The following PTN variants were observed in gnomAD, a reference collection of about 807,000 sequenced individuals.
PTN encodes heparin affin regulatory protein.
In PTN, 18 loss-of-function variants were observed where a neutral mutation model predicts 24.1. The ratio of observed to expected loss-of-function variants is 0.75; its 90% confidence interval spans 0.52 to 1.11. PTN has a LOEUF of 1.11. Among genes scored for constraint, PTN ranks in the 50% least tolerant of loss-of-function variants. The pLI is 0.00. For missense variants in PTN, 163 were observed against 198.8 expected (o/e 0.82, Z 1.08); for synonymous variants, 78 against 68.6 (o/e 1.14, Z -0.67).
chr7:137,337,152 A>G (rs560443451), intron 1 of PTN, among the ~76,000 whole-genome samples: 1 of 152,188 alleles, frequency 6.6e-6, no homozygotes, highest in Admixed American at 6.6e-5. Flanking sequence ...GAACCTACAC[A>G]TGACGCTAGT....
At chr7:137,325,608 C>T (rs1317441550) in intron 1 of PTN, 1 of 152,230 alleles carries the variant, frequency 6.6e-6, no homozygotes, top group Non-Finnish European at 1.5e-5. Flanking sequence ...TTTTTCTCCA[C>T]ATATTTTAAT....
At chr7:137,229,119 C>A (rs1005393960) in intron 4 of PTN, among the ~76,000 whole-genome samples, 2 of 151,838 alleles carry the variant, frequency 1.3e-5, no homozygotes, top group African/African-American at 4.8e-5. Context: ...CGGTTTATAT[C>A]CAAATTAAAC....
chr7:137,314,410 A>G (rs1194554272), intron 1 of PTN, among the ~76,000 whole-genome samples: 5 of 152,214 alleles, frequency 3.3e-5, no homozygotes, highest in African/African-American at 4.8e-5. Flanking sequence ...GACATATATA[A>G]AAATATGTGT....
intron 1 of PTN, among the ~76,000 whole-genome samples, chr7:137,297,235 G>C (rs1330902918): frequency 1.3e-5 from 2 of 152,116 alleles, no homozygotes; most frequent in Non-Finnish European, 2.9e-5. Flanking sequence ...CATAAGCATA[G>C]TTAAATTTGG....
chr7:137,330,416 C>T (rs1810332943), intron 1 of PTN, among the ~76,000 whole-genome samples: 1 of 152,138 alleles, frequency 6.6e-6, no homozygotes, highest in African/African-American at 2.4e-5. Flanking sequence ...GAATGTTGAA[C>T]ATCACACATT....
intron 1 of PTN, among the ~76,000 whole-genome samples, chr7:137,339,741 G>A (rs1347060411): frequency 6.6e-6 from 1 of 152,010 alleles, no homozygotes; most frequent in Non-Finnish European, 1.5e-5. Flanking sequence ...GAGGGAATTG[G>A]GCAAGACGTT....
intron 1 of PTN, among the ~76,000 whole-genome samples, chr7:137,277,723 C>A (rs1809384950): frequency 2.0e-5 from 3 of 152,064 alleles, no homozygotes; most frequent in Admixed American, 2.0e-4. Flanking sequence ...GCACATGTCA[C>A]CACACTTGGC....
chr7:137,228,476 A>G (rs10256915), intron 4 of PTN, among the ~76,000 whole-genome samples: 72,415 of 151,626 alleles, frequency 0.48, 19,287 homozygotes, highest in African/African-American at 0.71. Context: ...GGAAAACTAC[A>G]AGAGCTCTGC....
intron 4 of PTN, 39 bp from the exon 5 acceptor site, chr7:137,228,114 G>C: frequency 7.7e-7 from 1 of 1,306,780 alleles, no homozygotes. Context: ...GAGAGAAAGA[G>C]AAAAATGTCA....
chr7:137,238,349 T>C (rs552648413), intron 4 of PTN, among the ~76,000 whole-genome samples: 2 of 152,304 alleles, frequency 1.3e-5, no homozygotes, highest in South Asian at 2.1e-4. Context: ...GTCACCTTGC[T>C]GTTCGCCCTT....
At chr7:137,334,784 G>C (rs933911349) in intron 1 of PTN, among the ~76,000 whole-genome samples, 1 of 151,794 alleles carries the variant, frequency 6.6e-6, no homozygotes, top group Non-Finnish European at 1.5e-5. Context: ...CAAAGACTTG[G>C]AACCAATCCA....
chr7:137,333,670 T>A (rs1220690287), intron 1 of PTN, among the ~76,000 whole-genome samples: 1 of 152,148 alleles, frequency 6.6e-6, no homozygotes, highest in Non-Finnish European at 1.5e-5. Flanking sequence ...ATGACTTTCT[T>A]CACAGAATTG....
chr7:137,282,827 A>G (rs1406749290), intron 1 of PTN, among the ~76,000 whole-genome samples: 5 of 152,208 alleles, frequency 3.3e-5, no homozygotes, highest in Admixed American at 1.3e-4. Flanking sequence ...TTCCAAAAGC[A>G]AAATCGCAAA....
chr7:137,246,835 T>C (rs1057058091), intron 4 of PTN, among the ~76,000 whole-genome samples: 1 of 152,214 alleles, frequency 6.6e-6, no homozygotes, highest in South Asian at 2.1e-4. Context: ...GGGTCTTTTG[T>C]ATCAGTCTGA....
intron 4 of PTN, among the ~76,000 whole-genome samples, chr7:137,250,887 C>T (rs537296478): frequency 6.6e-6 from 1 of 152,292 alleles, no homozygotes; most frequent in East Asian, 1.9e-4. Flanking sequence ...CCGTCATAAA[C>T]ATTCTGAGTT....
At chr7:137,293,983 G>T (rs1197110034) in intron 1 of PTN, among the ~76,000 whole-genome samples, 2 of 152,054 alleles carry the variant, frequency 1.3e-5, no homozygotes, top group Non-Finnish European at 2.9e-5. Flanking sequence ...GATATATCAT[G>T]CAAGCAAAAA....
intron 1 of PTN, among the ~76,000 whole-genome samples, chr7:137,338,184 AGCTGAAGTACAAGGATTT>A (rs1316547466): frequency 3.3e-5 from 5 of 152,270 alleles, no homozygotes; most frequent in Admixed American, 3.3e-4. Flanking sequence ...CAAATTCCAC[AGCTGAAGTACAAGGATTT>A]GCCTTCTTTC....
At chr7:137,278,984 A>AATAATAATAAT (rs1809420362) in intron 1 of PTN, among the ~76,000 whole-genome samples, 1 of 105,174 alleles carries the variant, frequency 9.5e-6, no homozygotes, top group Non-Finnish European at 2.0e-5. Context: ...ATAATAATAA[A>AATAATAATAAT]ATAAAGAAAC....
At chr7:137,272,848 A>G (rs1370748689) in intron 1 of PTN, among the ~76,000 whole-genome samples, 4 of 152,256 alleles carry the variant, frequency 2.6e-5, no homozygotes, top group Non-Finnish European at 5.9e-5. Flanking sequence ...TAGCTGTTTG[A>G]TTGATTCACA....
Sources: allele counts gnomAD v4.1 joint callset (sites outside exome capture counted in the v4.1 genomes callset), GRCh38; gene constraint gnomAD v4.1.1; transcripts MANE v1.5; gene names NCBI Gene and HGNC (gene_info 2026-07-23, HGNC 2026-07-21).